Variants in CALD1 observed in about 807,000 individuals in gnomAD.
CALD1 encodes caldesmon.
Under a neutral mutation model 99.9 loss-of-function variants are expected in CALD1, and 33 were observed. That is an observed-to-expected ratio of 0.33 (90% CI 0.25 to 0.44). The LOEUF is 0.44. Ranked by LOEUF, CALD1 falls within the 20% of genes least tolerant of loss-of-function variation. CALD1 has a pLI of 1.00. For synonymous variants in CALD1, 310 were observed against 325.0 expected (o/e 0.95, Z 0.50); for missense variants, 861 against 962.1 (o/e 0.89, Z 1.39).
chr7:134,925,167 A>G (rs1804908980), intron 3 of CALD1, among the ~76,000 whole-genome samples: 1 of 152,168 alleles, frequency 6.6e-6, no homozygotes, highest in Non-Finnish European at 1.5e-5. Flanking sequence ...AGCTGTACCA[A>G]GCAAGAAGAG....
intron 7 of CALD1, among the ~76,000 whole-genome samples, chr7:134,944,814 C>T (rs1806731826): frequency 6.6e-6 from 1 of 152,176 alleles, no homozygotes; most frequent in Admixed American, 6.5e-5. Context: ...GGGCTTCAAG[C>T]CTAAATTAAG....
Position 134,805,635 on chromosome 7 carries a change from T to C in CALD1, c.-130+25886T>C, listed in dbSNP as rs1055028843. Among the ~76,000 whole-genome samples the C allele has an allele frequency of 2.0e-5, 3 of 152,188 alleles. No individual in the cohort carries two copies. The South Asian group carries it at 6.2e-4, about 32-fold the overall frequency. On this transcript the variant is annotated intron_variant, in intron 1 of 14. Coordinates refer to ENST00000361675, the MANE Select transcript of CALD1 (RefSeq NM_033138.4). ...TGATCCTTGGCTGTCTGTCCATATA[T>C]AGGAGCAAGGCAGTAAAAAGCTGAT...
At chr7:134,743,129 G>A (rs1796605154), upstream of CALD1, among the ~76,000 whole-genome samples, 1 of 152,200 alleles carries the variant, frequency 6.6e-6, no homozygotes, top group African/African-American at 2.4e-5. Flanking sequence ...GCTAGTGGGA[G>A]GGGAAGATGA....
At chr7:134,898,098 G>C (rs1477726843) in intron 3 of CALD1, among the ~76,000 whole-genome samples, 1 of 152,020 alleles carries the variant, frequency 6.6e-6, no homozygotes, top group Non-Finnish European at 1.5e-5. Context: ...CTAGCCTGGG[G>C]GTTTAAGAAA....
At chr7:134,728,404 GT>G in the CALD1 span, among the ~76,000 whole-genome samples, 1 of 152,158 alleles carries the variant, frequency 6.6e-6, no homozygotes, top group African/African-American at 2.4e-5. Flanking sequence ...AACCTGCTTG[GT>G]TACAGCTCAG....
intron 1 of CALD1, among the ~76,000 whole-genome samples, chr7:134,800,889 TAATG>T (rs1184594478): frequency 1.3e-5 from 2 of 152,014 alleles, no homozygotes; most frequent in African/African-American, 2.4e-5. Context: ...CTAAAAAGTA[TAATG>T]AATACACTAT....
At chr7:134,748,708 T>TGCCCCC (rs1562988094) in intron 1 of CALD1, among the ~76,000 whole-genome samples, 1 of 132,272 alleles carries the variant, frequency 7.6e-6, no homozygotes, top group Non-Finnish European at 1.6e-5. Context: ...TGAAACTCCA[T>TGCCCCC]CCCCCCGCCC....
chr7:134,734,119 T>C, the CALD1 span, among the ~76,000 whole-genome samples: 13 of 152,168 alleles, frequency 8.5e-5, no homozygotes, highest in Non-Finnish European at 1.5e-5. Flanking sequence ...ATTCTTGAGC[T>C]TCCATAGCAT....
intron 2 of CALD1, among the ~76,000 whole-genome samples, chr7:134,851,178 C>T (rs1005444023): frequency 3.9e-5 from 6 of 152,114 alleles, no homozygotes; most frequent in Non-Finnish European, 2.9e-5. Flanking sequence ...TCTCCATTTT[C>T]CCATAAGCTA....
intron 3 of CALD1, among the ~76,000 whole-genome samples, chr7:134,885,222 G>A (rs1428047529): frequency 6.6e-6 from 1 of 151,978 alleles, no homozygotes; most frequent in Non-Finnish European, 1.5e-5. Context: ...TGTGAGCCCC[G>A]ACACCCGGCA....
upstream of CALD1, among the ~76,000 whole-genome samples, chr7:134,743,463 G>T (rs1001247435): frequency 6.6e-6 from 1 of 152,118 alleles, no homozygotes; most frequent in Non-Finnish European, 1.5e-5. Context: ...CAAATCTAAG[G>T]GGGGTGGGAA....
rs112870154 is a variant in CALD1, at chr7:134,901,257, T to C, written c.72-27497T>C. Reference sequence around the variant, plus strand: ...TAAATTAAGACTATTGACGTCAAAATCCAGATAAACTTGAATCCAAATCCT... The same window carrying C: ...TAAATTAAGACTATTGACGTCAAAACCCAGATAAACTTGAATCCAAATCCT... On this transcript the variant is annotated intron_variant, in intron 3 of 14. Coordinates refer to ENST00000361675, the MANE Select transcript of CALD1 (RefSeq NM_033138.4). Among the ~76,000 whole-genome samples the C allele has an allele frequency of 1.9e-4, 29 of 151,484 alleles. 1 individual carries two copies. The highest frequency in any genetic ancestry group is 5.3e-4 in the African/African-American group (22 of 41,212).
At chr7:134,840,265 T>C (rs1004880519) in intron 1 of CALD1, among the ~76,000 whole-genome samples, 3 of 152,202 alleles carry the variant, frequency 2.0e-5, no homozygotes, top group Admixed American at 6.5e-5. Flanking sequence ...CATATAGATA[T>C]TCATTTAGGT....
intron 3 of CALD1, chr7:134,891,766 A>T: frequency 1.2e-6 from 1 of 850,394 alleles, no homozygotes; most frequent in Non-Finnish European, 1.7e-6. Flanking sequence ...AAAAAAAAAA[A>T]AATGTGGGAG....
intron 2 of CALD1, among the ~76,000 whole-genome samples, chr7:134,848,852 G>A (rs1185999294): frequency 6.6e-6 from 1 of 152,062 alleles, no homozygotes; most frequent in Non-Finnish European, 1.5e-5. Context: ...TTATAAGTTG[G>A]GGTTGATGAG....
intron 1 of CALD1, among the ~76,000 whole-genome samples, chr7:134,840,196 T>C (rs997581658): frequency 1.3e-5 from 2 of 152,212 alleles, no homozygotes; most frequent in Admixed American, 6.5e-5. Context: ...CCACAATCAA[T>C]CTGAAAGAAT....
the CALD1 span, among the ~76,000 whole-genome samples, chr7:134,729,540 G>C: frequency 6.6e-6 from 1 of 152,338 alleles, no homozygotes; most frequent in African/African-American, 2.4e-5. Flanking sequence ...GTCTAGATGG[G>C]AACTGTGCCT....
At chr7:134,802,086 T>A (rs996151155) in intron 1 of CALD1, among the ~76,000 whole-genome samples, 13 of 142,512 alleles carry the variant, frequency 9.1e-5, no homozygotes, top group African/African-American at 3.3e-4. Context: ...TTAAGTGTAA[T>A]ATATATGTGT....
chr7:134,784,722 A>G (rs1022389126), intron 1 of CALD1, among the ~76,000 whole-genome samples: 1 of 152,208 alleles, frequency 6.6e-6, no homozygotes, highest in South Asian at 2.1e-4. Context: ...AGGGATATCC[A>G]AGAGCAGAAG....
Sources: gnomAD v4.1 joint callset for allele counts (sites outside exome capture counted in the v4.1 genomes callset) on GRCh38, gnomAD v4.1.1 for gene constraint, MANE v1.5 for transcripts, NCBI Gene and HGNC (gene_info 2026-07-23, HGNC 2026-07-21) for gene names.